Variants in GGTA1 observed in about 807,000 individuals in gnomAD.
GGTA1 encodes inactive N-acetyllactosaminide alpha-1,3-galactosyltransferase.
GGTA1 carries 5 observed loss-of-function variants against 2.6 expected under a neutral mutation model. The observed-to-expected ratio is 1.92, with a 90% CI of 1.00 to 4.04. The LOEUF is 4.04. GGTA1 is among the 30% of genes most tolerant of loss of function. The pLI, the probability that GGTA1 is intolerant of heterozygous loss-of-function variation, is 0.00. For synonymous variants in GGTA1, 17 were observed against 5.0 expected (o/e 3.38, Z -3.19); for missense variants, 50 against 16.7 (o/e 2.99, Z -3.47).
chr9:121,484,489 G>T (rs895795018), intron 1 of GGTA1, among the ~76,000 whole-genome samples: 4 of 152,002 alleles, frequency 2.6e-5, no homozygotes, highest in African/African-American at 9.7e-5. Context: ...TCACCATGTT[G>T]GTCAGGCTGG....
chr9:121,480,830 G>A (rs922232303), intron 1 of GGTA1, among the ~76,000 whole-genome samples: 1 of 152,166 alleles, frequency 6.6e-6, no homozygotes, highest in Non-Finnish European at 1.5e-5. Context: ...ACGAAAGTGT[G>A]TGGATGTTCA....
At chr9:121,468,405 T>C (rs905541544) in intron 1 of GGTA1, among the ~76,000 whole-genome samples, 1 of 152,374 alleles carries the variant, frequency 6.6e-6, no homozygotes, top group East Asian at 1.9e-4. Context: ...ACATTTTCTT[T>C]ATCCAGTCTA....
intron 1 of GGTA1, among the ~76,000 whole-genome samples, chr9:121,484,068 T>C (rs1245059307): frequency 1.3e-5 from 2 of 152,180 alleles, no homozygotes; most frequent in Non-Finnish European, 2.9e-5. Context: ...GAGCATAGAC[T>C]TGGGCTCATT....
rs764045162 is a variant in GGTA1, at chr9:121,449,321, G to A, written c.*119-1724C>T. On this transcript the variant is annotated intron_variant and NMD_transcript_variant, in intron 7 of 7. Coordinates refer to the GGTA1 transcript ENST00000481534. ...CATTTGGGTGAATACCAAGGAGTACGATTGCTGGATCGTGTGGTAAGAATA... is the reference window on the plus strand; with the variant it reads ...CATTTGGGTGAATACCAAGGAGTACAATTGCTGGATCGTGTGGTAAGAATA... Among the ~76,000 whole-genome samples, 7 of 152,152 alleles carry A rather than the reference G, an allele frequency of 4.6e-5. No homozygotes were observed. The South Asian group carries it at 6.2e-4, about 14-fold the overall frequency.
At chr9:121,451,407 G>A (rs368426301), downstream of GGTA1, among the ~76,000 whole-genome samples, 87 of 152,252 alleles carry the variant, frequency 5.7e-4, 1 homozygote, top group East Asian at 0.011. Flanking sequence ...GGATGGTCTC[G>A]ATCTCCTGAC....
intron 1 of GGTA1, among the ~76,000 whole-genome samples, chr9:121,481,197 A>G (rs1828640770): frequency 6.6e-6 from 1 of 151,670 alleles, no homozygotes; most frequent in Non-Finnish European, 1.5e-5. Context: ...ACCCCAAACT[A>G]GATGCTCTCC....
rs1267123446 is a variant in GGTA1, at chr9:121,462,877, A to G, written c.116+416T>C. The G allele has an allele frequency of 3.9e-5, 6 of 155,324 alleles. No homozygotes were observed. The Admixed American group carries it at 3.9e-4, about 10-fold the overall frequency. The allele number at this position is 155,324 out of a possible 1,614,324, so 9.6% of individuals were successfully genotyped here. ...ATGGCTCTCATTTTCTTTTCAAAAAATACAAAAAGAAAATTTTAATGATAC... is the reference window on the plus strand; with the variant it reads ...ATGGCTCTCATTTTCTTTTCAAAAAGTACAAAAAGAAAATTTTAATGATAC... On this transcript the variant is annotated intron_variant, in intron 3 of 5. Coordinates refer to ENST00000481799, the MANE Select transcript of GGTA1 (RefSeq NM_001382585.1).
chr9:121,488,546 C>G (rs891936733), intron 1 of GGTA1, among the ~76,000 whole-genome samples: 4 of 152,162 alleles, frequency 2.6e-5, no homozygotes, highest in African/African-American at 9.7e-5. Context: ...GAAACCCTGT[C>G]TTGGCTCATA....
At chr9:121,496,955 G>A (rs1829007934) in intron 1 of GGTA1, among the ~76,000 whole-genome samples, 1 of 152,024 alleles carries the variant, frequency 6.6e-6, no homozygotes, top group Non-Finnish European at 1.5e-5. Context: ...CACTTTGGGA[G>A]GCGGAGGTGG....
chr9:121,469,148 A>G lies in GGTA1; in HGVS notation c.-9-1217T>C, dbSNP rs545091190. ...AAAAAAGCAGGGGTGCTGTGTGAAG[A>G]ATAACAGGCCAGGAAGTACTTTAAT... On this transcript the variant is annotated intron_variant, in intron 1 of 5. Coordinates refer to ENST00000481799, the MANE Select transcript of GGTA1 (RefSeq NM_001382585.1). Among the ~76,000 whole-genome samples the G allele has an allele frequency of 8.0e-4, 122 of 152,284 alleles. 2 individuals are homozygous for G. Among genetic ancestry groups the G allele is most frequent in the South Asian group, 7.9e-3 (38 of 4,820 alleles).
intron 1 of GGTA1, among the ~76,000 whole-genome samples, chr9:121,499,367 C>G (rs1829058044): frequency 6.6e-6 from 1 of 152,138 alleles, no homozygotes. Context: ...CCCGCGGACC[C>G]GTGGGGGAAC....
intron 2 of GGTA1, among the ~76,000 whole-genome samples, chr9:121,466,602 C>T (rs1489164216): frequency 6.6e-6 from 1 of 152,074 alleles, no homozygotes; most frequent in African/African-American, 2.4e-5. Context: ...CCTAAAGGCA[C>T]GGTTCCATTT....
chr9:121,479,583 G>C (rs766810511), intron 1 of GGTA1, among the ~76,000 whole-genome samples: 4 of 152,066 alleles, frequency 2.6e-5, no homozygotes, highest in Non-Finnish European at 4.4e-5. Context: ...ACCCTTGAGA[G>C]GGACACCAAG....
At chr9:121,498,462 C>T (rs867285178) in intron 1 of GGTA1, among the ~76,000 whole-genome samples, 1 of 152,242 alleles carries the variant, frequency 6.6e-6, no homozygotes, top group South Asian at 2.1e-4. Flanking sequence ...CTCCACACCC[C>T]CCACTCCCAG....
chr9:121,488,712 C>G (rs1344801325), intron 1 of GGTA1, among the ~76,000 whole-genome samples: 4 of 150,876 alleles, frequency 2.7e-5, no homozygotes, highest in African/African-American at 9.8e-5. Flanking sequence ...AGTGAAACTC[C>G]GTCTCAAAAA....
intron 1 of GGTA1, among the ~76,000 whole-genome samples, chr9:121,481,362 C>G (rs1828645066): frequency 6.6e-6 from 1 of 152,010 alleles, no homozygotes; most frequent in Admixed American, 6.6e-5. Flanking sequence ...AAGGTACACA[C>G]TGGATGATTC....
chr9:121,487,433 G>A (rs763146712), intron 1 of GGTA1, among the ~76,000 whole-genome samples: 1 of 151,658 alleles, frequency 6.6e-6, no homozygotes, highest in Non-Finnish European at 1.5e-5. Context: ...AAAATTAGCC[G>A]GGCTTGGTGG....
At chr9:121,490,639 C>T (rs1004051478) in intron 1 of GGTA1, among the ~76,000 whole-genome samples, 7 of 152,334 alleles carry the variant, frequency 4.6e-5, no homozygotes, top group African/African-American at 1.4e-4. Flanking sequence ...CTAAGGAAGC[C>T]GCATGGAGGC....
At chr9:121,469,294 A>G (rs1467978177) in intron 1 of GGTA1, among the ~76,000 whole-genome samples, 1 of 152,214 alleles carries the variant, frequency 6.6e-6, no homozygotes, top group East Asian at 1.9e-4. Context: ...TGGGAGCAGC[A>G]TATGTAACAG....
Sources: gnomAD v4.1 joint callset for allele counts (sites outside exome capture counted in the v4.1 genomes callset) on GRCh38, gnomAD v4.1.1 for gene constraint, MANE v1.5 for transcripts, NCBI Gene and HGNC (gene_info 2026-07-23, HGNC 2026-07-21) for gene names.